Variants in EPHA7 observed in about 807,000 individuals in gnomAD.
EPHA7 encodes the protein EPH receptor A7.
In EPHA7, 25 loss-of-function variants were observed where a neutral mutation model predicts 112.6. That is an observed-to-expected ratio of 0.22 (90% confidence interval 0.16 to 0.31). The LOEUF is 0.31. EPHA7 is among the 10% of genes least tolerant of loss of function. The probability of loss-of-function intolerance (pLI) is 1.00; values close to 1 mark genes in which losing one functional copy is unlikely to be tolerated. For synonymous variants in EPHA7, 437 were observed against 406.5 expected, an observed-to-expected ratio of 1.07 and a Z score of -0.90; for missense variants, 962 against 1,212.6, an observed-to-expected ratio of 0.79 and a Z score of 3.07.
At chr6:93,276,043 A>G (rs979161589) in intron 5 of EPHA7, among the ~76,000 whole-genome samples, 1 of 152,064 alleles carries the variant, frequency 6.6e-6, no homozygotes, top group Admixed American at 6.6e-5. Flanking sequence ...AGACAATTTT[A>G]AAGCACAGCA....
intron 5 of EPHA7, among the ~76,000 whole-genome samples, chr6:93,272,988 A>AT (rs1250137358): frequency 6.6e-6 from 1 of 151,924 alleles, no homozygotes; most frequent in Non-Finnish European, 1.5e-5. Flanking sequence ...ATGCAAGAAA[A>AT]TGCAAAGGCT....
At chr6:93,333,129 T>A (rs1194936670) in intron 5 of EPHA7, among the ~76,000 whole-genome samples, 1 of 151,852 alleles carries the variant, frequency 6.6e-6, no homozygotes, top group Non-Finnish European at 1.5e-5. Flanking sequence ...AGTGAGAACA[T>A]GTACCATTTG....
At position 93,410,430 on chromosome 6, in the gene EPHA7, T is replaced by C. The variant is rs2127994160; in HGVS notation, c.832+71A>G. ...GCAGATTCACGTATTCAAATAACTA[T>C]TAAAGTTTAAAATGTCTGATACTGA... On this transcript the variant is annotated intron_variant, in intron 3 of 16. Transcript: ENST00000369303. The surrounding 1 kb of genome is among the most constrained non-coding windows in gnomAD (Gnocchi z 4.0). 3 of 1,383,490 alleles carry C rather than the reference T, an allele frequency of 2.2e-6. No homozygotes were observed. Among genetic ancestry groups the C allele is most frequent in the Non-Finnish European group, 3.0e-6 (3 of 1,006,670 alleles). The allele number at this position is 1,383,490 out of a possible 1,614,324, so 85.7% of individuals were successfully genotyped here.
intron 15 of EPHA7, among the ~76,000 whole-genome samples, chr6:93,246,208 C>A (rs979330342): frequency 6.6e-6 from 1 of 151,890 alleles, no homozygotes; most frequent in African/African-American, 2.4e-5. Context: ...CCCGCCACCA[C>A]GCCCAGCTAA....
chr6:93,413,068 A>C, intron 2 of EPHA7, among the ~76,000 whole-genome samples: 1 of 152,000 alleles, frequency 6.6e-6, no homozygotes, highest in East Asian at 1.9e-4. Flanking sequence ...AGACATTATG[A>C]ACATTTCCAC....
Position 93,299,057 on chromosome 6 carries a change from T to C in EPHA7, c.1325-26635A>G, listed in dbSNP as rs932982222. 8.8e-4 allele frequency among the ~76,000 whole-genome samples: 134 copies of C among 152,096 alleles called. 2 individuals carry two copies. Among genetic ancestry groups the C allele is most frequent in the Non-Finnish European group, 3.4e-4 (23 of 68,014 alleles). The stretch of plus-strand genomic sequence containing the variant: ...TGAAAAAAAGCTCAGCCGGGCGCGG[T>C]GGCTCAAGCCTGTAATCCCAGCACT... On this transcript the variant is annotated intron_variant, in intron 5 of 16. Coordinates refer to ENST00000369303, the MANE Select transcript of EPHA7 (RefSeq NM_004440.4).
intron 3 of EPHA7, 136 bp from the exon 4 acceptor site, chr6:93,358,547 TTTAGGGTATTTCA>T (rs1776076577): frequency 1.4e-6 from 1 of 699,316 alleles, no homozygotes; most frequent in South Asian, 2.7e-5. Flanking sequence ...AAATATTCAT[TTTAGGGTATTTCA>T]CTAGCCAAAT....
rs542228974 is a variant in EPHA7 at position 93,413,684 on chromosome 6, T to C, written c.162+1019A>G. Among the ~76,000 whole-genome samples the C allele has an allele frequency of 2.6e-5, 4 of 152,048 alleles. No homozygotes were observed. In the East Asian group the frequency reaches 5.8e-4, roughly 22 times the overall value. ...CCAATACAGATAACCACAATATGAA[T>C]GAAAGGAATCTTAAAAATTAAATTT... On this transcript the variant is annotated intron_variant, in intron 2 of 16. Transcript: ENST00000369303.
In EPHA7 at chr6:93,410,828, TG is replaced by T; in HGVS notation, c.504del (p.Asn168LysfsTer4). The T allele has an allele frequency of 6.2e-7, 1 of 1,613,986 alleles. No homozygotes were observed. The highest frequency in any genetic ancestry group is 8.5e-7 in the Non-Finnish European group (1 of 1,179,944). On this transcript the variant is annotated frameshift_variant, in exon 3 of 17. Transcript: ENST00000369303. LOFTEE classifies it high-confidence loss of function. This position sits in a 1 kb window ranked among gnomAD's most constrained non-coding sequence, Gnocchi z 4.0. ...AAAGGTCCAATCTCTCTCACCTCAG[TG>T]TTAAGCTTCATCTTTCTTTCACCAA... ...GDLGERKMKL[N>X]TEVREIGPLS...
chr6:93,314,853 ATTTTCTTTTTTTTTTTT>A (rs1267169701), intron 5 of EPHA7, among the ~76,000 whole-genome samples: 1 of 139,268 alleles, frequency 7.2e-6, no homozygotes, highest in Non-Finnish European at 1.6e-5. Flanking sequence ...TGACAATATA[ATTTTCTTTTTTTTTTTT>A]TTTTTTTTTT....
At chr6:93,263,766 C>G (rs1770798363) in intron 9 of EPHA7, 94 bp downstream of exon 9, 1 of 870,154 alleles carries the variant, frequency 1.1e-6, no homozygotes, top group African/African-American at 1.7e-5. Context: ...TAATTTCAAG[C>G]ATGATGCATG....
At chr6:93,364,485 C>T (rs1776407770) in intron 3 of EPHA7, among the ~76,000 whole-genome samples, 1 of 147,828 alleles carries the variant, frequency 6.8e-6, no homozygotes, top group African/African-American at 2.5e-5. Context: ...GATGGTGCCA[C>T]TGCACTCCAT....
At chr6:93,338,590 C>T (rs1224302012) in intron 5 of EPHA7, among the ~76,000 whole-genome samples, 1 of 151,900 alleles carries the variant, frequency 6.6e-6, no homozygotes, top group Non-Finnish European at 1.5e-5. Context: ...AAAATTTCCT[C>T]AAAGTTCTCA....
At chr6:93,358,553 G>T (rs1776076856) in intron 3 of EPHA7, 142 bp from the exon 4 acceptor site, 1 of 649,436 alleles carries the variant, frequency 1.5e-6, no homozygotes, top group Non-Finnish European at 2.4e-6. Context: ...TCATTTTAGG[G>T]TATTTCACTA....
At chr6:93,267,214 TC>T (rs1423737766) in intron 7 of EPHA7, among the ~76,000 whole-genome samples, 3 of 151,752 alleles carry the variant, frequency 2.0e-5, no homozygotes, top group Non-Finnish European at 4.4e-5. Context: ...GTAAAAGGGC[TC>T]CTGGGATGGA....
chr6:93,360,841 A>T (rs1168673197), intron 3 of EPHA7, among the ~76,000 whole-genome samples: 1 of 152,134 alleles, frequency 6.6e-6, no homozygotes, highest in Non-Finnish European at 1.5e-5. Context: ...ACTGGATTTA[A>T]AACACAGGAC....
chr6:93,368,157 G>A (rs1351175933), intron 3 of EPHA7, among the ~76,000 whole-genome samples: 1 of 152,050 alleles, frequency 6.6e-6, no homozygotes, highest in Non-Finnish European at 1.5e-5. Context: ...TGGATAATCA[G>A]TTGATTATGA....
At position 93,280,535 on chromosome 6, in the gene EPHA7, T is replaced by C. The variant is rs547734872; in HGVS notation, c.1325-8113A>G. Among the ~76,000 whole-genome samples the C allele has an allele frequency of 3.8e-3, 584 of 152,310 alleles. 3 individuals carry two copies. The highest frequency in any genetic ancestry group is 6.7e-3 in the Non-Finnish European group (456 of 68,006). ...CACAATGTGTCATTCAATTATGTTA[T>C]ACCTGTCTATCTCCTCAGCTATTCT... On this transcript the variant is annotated intron_variant, in intron 5 of 16. Transcript: ENST00000369303.
At chr6:93,370,145 T>C (rs1287015051) in intron 3 of EPHA7, among the ~76,000 whole-genome samples, 1 of 152,174 alleles carries the variant, frequency 6.6e-6, no homozygotes, top group African/African-American at 2.4e-5. Flanking sequence ...TTTAGGAGCA[T>C]ATAATTGAAT....
Sources: allele counts gnomAD v4.1 joint callset (sites outside exome capture counted in the v4.1 genomes callset), GRCh38; gene constraint gnomAD v4.1.1; non-coding constraint Gnocchi (gnomAD v3.1); transcripts MANE v1.5; gene names NCBI Gene and HGNC (gene_info 2026-07-23, HGNC 2026-07-21).